The following CCDC60 variants were observed in gnomAD, a reference collection of about 807,000 sequenced individuals.
CCDC60 encodes the protein coiled-coil domain-containing protein 60.
A neutral mutation model predicts 63.5 loss-of-function variants in CCDC60; 54 were observed. That is an observed-to-expected ratio of 0.85 (90% confidence interval 0.68 to 1.07). CCDC60 has a LOEUF of 1.07. Ranked by LOEUF, CCDC60 falls within the 50% of genes least tolerant of loss-of-function variation. The pLI is 0.00. For synonymous variants in CCDC60, 206 were observed against 238.8 expected, an observed-to-expected ratio of 0.86 and a Z score of 1.27; for missense variants, 651 against 684.3, an observed-to-expected ratio of 0.95 and a Z score of 0.54.
chr12:119,400,126 T>C (rs968734255), intron 1 of CCDC60, among the ~76,000 whole-genome samples: 1 of 148,990 alleles, frequency 6.7e-6, no homozygotes, highest in East Asian at 2.0e-4. Context: ...CTCAGCTCAC[T>C]GCAACCTCCG....
chr12:119,373,266 T>C (rs1955916289), intron 1 of CCDC60, among the ~76,000 whole-genome samples: 1 of 152,114 alleles, frequency 6.6e-6, no homozygotes, highest in Non-Finnish European at 1.5e-5. Context: ...CACATAGCAT[T>C]TACTCAATAA....
At chr12:119,466,285 C>T (rs905735594) in intron 2 of CCDC60, among the ~76,000 whole-genome samples, 3 of 152,208 alleles carry the variant, frequency 2.0e-5, no homozygotes, top group Non-Finnish European at 4.4e-5. Context: ...TTGAATCTGT[C>T]TCCACCCTCT....
chr12:119,505,278 G>A lies in CCDC60; in HGVS notation c.858G>A (p.Lys286=). 6.2e-7 allele frequency: 1 copy of A among 1,610,274 alleles called. No homozygotes were observed. Among genetic ancestry groups the A allele is most frequent in the Non-Finnish European group, 8.5e-7 (1 of 1,179,520 alleles). The part of the protein sequence containing the change: ...DIEDNESSST[K]PDEEPLYMNL... The stretch of plus-strand genomic sequence containing the variant: ...AGGACAATGAGTCATCTTCAACCAA[G>A]CCAGATGAAGAACCTCTGTATATGA... Residue 286 remains lysine (K), a synonymous_variant, in exon 7 of 14, where the codon AAG becomes AAA. Transcript: ENST00000327554.
In CCDC60 at chr12:119,472,010, G is replaced by T. The variant is rs770494429; in HGVS notation, c.187G>T (p.Val63Leu). The change falls in exon 3 of 14, where the codon GTG becomes TTG. Residue 63 changes from valine (V) to leucine (L), a missense_variant. By Grantham distance (32) the Val-to-Leu change is conservative. Coordinates refer to ENST00000327554, the MANE Select transcript of CCDC60 (RefSeq NM_178499.5). ...LIRSRFLIQS[V>L]KIGRGYFAIL... ...TGTCTCCAGCTTTTTGATCCAGTCT[G>T]TGAAGATAGGCCGTGGATATTTTGC... The T allele has an allele frequency of 6.2e-7, 1 of 1,613,556 alleles. No individual in the cohort carries two copies. The highest frequency in any genetic ancestry group is 8.5e-7 in the Non-Finnish European group (1 of 1,179,840).
chr12:119,385,098 C>T (rs7967255), intron 1 of CCDC60, among the ~76,000 whole-genome samples: 149,771 of 152,372 alleles, frequency 0.98, 73,631 homozygotes, highest in East Asian at 1. Context: ...TATGGGCTTA[C>T]TTGTTTATGG....
intron 8 of CCDC60, among the ~76,000 whole-genome samples, chr12:119,519,734 A>T (rs1384805984): frequency 1.3e-5 from 2 of 152,044 alleles, no homozygotes; most frequent in Non-Finnish European, 2.9e-5. Context: ...AAGTGCTGGG[A>T]TCACAGGTGT....
chr12:119,382,609 GGAATGAAT>G (rs140115377), intron 1 of CCDC60, among the ~76,000 whole-genome samples: 15 of 151,598 alleles, frequency 9.9e-5, no homozygotes, highest in Non-Finnish European at 2.1e-4. Flanking sequence ...CAGAACAGTG[GGAATGAAT>G]GAATGAATGA....
At chr12:119,437,468 C>G (rs577644196) in intron 2 of CCDC60, among the ~76,000 whole-genome samples, 21 of 152,260 alleles carry the variant, frequency 1.4e-4, no homozygotes, top group African/African-American at 5.1e-4. Context: ...TTAGAAATCT[C>G]AAAAGGAAAC....
chr12:119,480,623 TCAC>T (rs1307063324), intron 4 of CCDC60, among the ~76,000 whole-genome samples: 4 of 149,616 alleles, frequency 2.7e-5, no homozygotes, highest in African/African-American at 7.4e-5. Flanking sequence ...ATCATCATCA[TCAC>T]CATCACCATC....
intron 1 of CCDC60, among the ~76,000 whole-genome samples, chr12:119,355,330 A>C (rs910007130): frequency 6.6e-6 from 1 of 152,090 alleles, no homozygotes; most frequent in African/African-American, 2.4e-5. Flanking sequence ...TCCTCCCTTT[A>C]AGAAGCTTTC....
chr12:119,531,646 C>T (rs1397252849), intron 13 of CCDC60, among the ~76,000 whole-genome samples: 2 of 152,102 alleles, frequency 1.3e-5, no homozygotes, highest in Non-Finnish European at 2.9e-5. Flanking sequence ...AAGCAGCACA[C>T]GACTTGACTT....
At chr12:119,515,640 T>A (rs1323846849) in intron 7 of CCDC60, among the ~76,000 whole-genome samples, 2 of 152,046 alleles carry the variant, frequency 1.3e-5, no homozygotes, top group Non-Finnish European at 2.9e-5. Flanking sequence ...AAATCAATAT[T>A]AAATATGAAA....
intron 8 of CCDC60, among the ~76,000 whole-genome samples, chr12:119,517,147 C>T (rs1287012925): frequency 2.0e-5 from 3 of 151,914 alleles, no homozygotes; most frequent in Non-Finnish European, 4.4e-5. Flanking sequence ...ACCACCACAT[C>T]TGGCTAATTT....
Position 119,505,002 on chromosome 12 carries a change from C to T in CCDC60, c.649-67C>T. On this transcript the variant is annotated intron_variant, in intron 6 of 13. Coordinates refer to ENST00000327554, the MANE Select transcript of CCDC60 (RefSeq NM_178499.5). ...CCCTCCCCACCTTCCTCCTTCCCTC[C>T]TTTCTTTCTTTCTTCCATCTTTTTC... The T allele has an allele frequency of 2.4e-6, 3 of 1,245,258 alleles. No individual in the cohort carries two copies. The South Asian group carries it at 4.3e-5, about 18-fold the overall frequency. The allele number at this position is 1,245,258 out of a possible 1,614,324, so 77.1% of individuals were successfully genotyped here. A position where few individuals can be genotyped will look rare whatever the true frequency, so the allele number is the denominator to read the frequency against.
intron 7 of CCDC60, among the ~76,000 whole-genome samples, chr12:119,515,389 C>T (rs1432056796): frequency 1.3e-5 from 2 of 151,450 alleles, no homozygotes; most frequent in African/African-American, 2.4e-5. Context: ...GGTGTGATCT[C>T]GGCTCACTGC....
chr12:119,518,539 C>T (rs1952413913), intron 8 of CCDC60, among the ~76,000 whole-genome samples: 1 of 152,076 alleles, frequency 6.6e-6, no homozygotes, highest in Non-Finnish European at 1.5e-5. Context: ...GCAGCCAATC[C>T]CAAAGGGTTG....
intron 1 of CCDC60, among the ~76,000 whole-genome samples, chr12:119,379,423 T>C (rs10849649): frequency 0.21 from 32,205 of 152,188 alleles, 4,187 homozygotes; most frequent in Middle Eastern, 0.32. Flanking sequence ...ATGAAGTTGA[T>C]TGGGTACCCA....
At chr12:119,520,542 C>CTTT (rs11460611) in intron 9 of CCDC60, among the ~76,000 whole-genome samples, 13 of 126,850 alleles carry the variant, frequency 1.0e-4, no homozygotes, top group East Asian at 2.4e-4. Context: ...AGAGAATATT[C>CTTT]TTTTTTTTTT....
chr12:119,517,775 G>A (rs558469627), intron 8 of CCDC60, among the ~76,000 whole-genome samples: 5 of 152,274 alleles, frequency 3.3e-5, no homozygotes, highest in South Asian at 4.2e-4. Flanking sequence ...GCCAGCAACC[G>A]ATATGATTAG....
Sources: allele counts gnomAD v4.1 joint callset (sites outside exome capture counted in the v4.1 genomes callset), GRCh38; gene constraint gnomAD v4.1.1; transcripts MANE v1.5; gene names NCBI Gene and HGNC (gene_info 2026-07-23, HGNC 2026-07-21).